ABCC4: variants seen among roughly 807,000 people sequenced by gnomAD.
The protein encoded by ABCC4 is ATP-binding cassette sub-family C member 4.
In ABCC4, 102 loss-of-function variants were observed where a neutral mutation model predicts 168.5. The ratio of observed to expected loss-of-function variants is 0.61; its 90% confidence interval spans 0.52 to 0.71. The LOEUF (loss-of-function observed/expected upper bound fraction) is 0.71, where lower values mean the gene tolerates loss of function less well. ABCC4 is among the 30% of genes least tolerant of loss of function. The probability of loss-of-function intolerance (pLI) is 0.00; values close to 1 mark genes in which losing one functional copy is unlikely to be tolerated. For synonymous variants in ABCC4, 617 were observed against 590.7 expected, an observed-to-expected ratio of 1.04 and a Z score of -0.65; for missense variants, 1,402 against 1,605.8, an observed-to-expected ratio of 0.87 and a Z score of 2.17.
chr13:95,065,441 A>G (rs1373951845), intron 25 of ABCC4, among the ~76,000 whole-genome samples: 4 of 152,212 alleles, frequency 2.6e-5, no homozygotes, highest in Non-Finnish European at 5.9e-5. Flanking sequence ...CTAAAGATAT[A>G]ATCTCATATA....
At chr13:95,032,710 C>T (rs982761311) in intron 30 of ABCC4, among the ~76,000 whole-genome samples, 1 of 151,578 alleles carries the variant, frequency 6.6e-6, no homozygotes, top group African/African-American at 2.4e-5. Context: ...TGTTGCCAGG[C>T]TGGAGTGCAG....
In ABCC4 at chr13:95,247,704, C is replaced by G; in HGVS notation, c.124G>C (p.Asp42His). ...KIGHKRRLEE[D>H]DMYSVLPEDR... ...TCTGGCAGCACTGAATACATATCAT[C>G]TTCCTCTAATCTCCGTTTATGGCCA... The change falls in exon 2 of 31, where the codon GAT (aspartate) becomes CAT (histidine). Residue 42 changes from aspartate to histidine, a missense_variant. Asp to His is a moderately conservative substitution (Grantham distance 81, BLOSUM62 -1). Coordinates refer to ENST00000645237, the MANE Select transcript of ABCC4 (RefSeq NM_005845.5). 6.2e-7 allele frequency: 1 copy of G among 1,614,084 alleles called. No individual in the cohort carries two copies. Among genetic ancestry groups the G allele is most frequent in the Non-Finnish European group, 8.5e-7 (1 of 1,180,010 alleles).
chr13:95,181,991 T>C (rs1277552865), intron 11 of ABCC4, among the ~76,000 whole-genome samples: 2 of 152,140 alleles, frequency 1.3e-5, no homozygotes, highest in East Asian at 3.9e-4. Context: ...GGTCTTGCTA[T>C]GTTGCCTAGG....
chr13:95,035,644 T>C (rs1240028738), intron 29 of ABCC4, among the ~76,000 whole-genome samples: 1 of 152,208 alleles, frequency 6.6e-6, no homozygotes, highest in Non-Finnish European at 1.5e-5. Flanking sequence ...CTCATTAATA[T>C]GTCCACTGGA....
chr13:95,207,984 G>A (rs1161247028), intron 6 of ABCC4, 59 bp from the exon 7 acceptor site: 29 of 1,566,198 alleles, frequency 1.9e-5, no homozygotes, highest in East Asian at 2.3e-5. Context: ...CCTTATCAGC[G>A]GCAGGCACAG....
At chr13:95,037,387 C>T (rs980002260) in intron 29 of ABCC4, among the ~76,000 whole-genome samples, 2 of 152,176 alleles carry the variant, frequency 1.3e-5, no homozygotes, top group African/African-American at 4.8e-5. Context: ...TCCTTCCATC[C>T]ATTCATCCAA....
intron 4 of ABCC4, among the ~76,000 whole-genome samples, chr13:95,212,791 CAGAT>C (rs2038998732): frequency 6.6e-6 from 1 of 152,040 alleles, no homozygotes; most frequent in Admixed American, 6.5e-5. Context: ...AGTCATACTC[CAGAT>C]AGGATAAAAA....
chr13:95,290,177 C>A (rs1175622498), intron 1 of ABCC4, among the ~76,000 whole-genome samples: 2 of 151,668 alleles, frequency 1.3e-5, no homozygotes, highest in East Asian at 3.9e-4. Context: ...GTGGATCCCA[C>A]CCCCAGAAAT....
At chr13:95,047,098 C>T (rs545298495) in intron 27 of ABCC4, among the ~76,000 whole-genome samples, 4 of 152,194 alleles carry the variant, frequency 2.6e-5, no homozygotes, top group African/African-American at 4.8e-5. Context: ...AGCAAAATAC[C>T]GTATTAACAA....
chr13:95,053,212 T>C (rs1297407541), intron 26 of ABCC4, 28 bp from the exon 27 acceptor site: 1 of 1,542,836 alleles, frequency 6.5e-7, no homozygotes, highest in East Asian at 2.2e-5. Flanking sequence ...TCACGGTCAT[T>C]ACCACAGACT....
intron 4 of ABCC4, among the ~76,000 whole-genome samples, chr13:95,217,161 C>G (rs1269608682): frequency 2.0e-5 from 3 of 152,158 alleles, no homozygotes; most frequent in Admixed American, 2.0e-4. Flanking sequence ...ACTGTACTAT[C>G]TAGAACAAAA....
intron 19 of ABCC4, among the ~76,000 whole-genome samples, chr13:95,139,541 T>C (rs2036248450): frequency 6.6e-6 from 1 of 152,166 alleles, no homozygotes; most frequent in Non-Finnish European, 1.5e-5. Context: ...ACACAGCCCA[T>C]GCCCAATGGG....
intron 9 of ABCC4, among the ~76,000 whole-genome samples, chr13:95,189,246 G>T (rs928594481): frequency 1.4e-5 from 2 of 139,984 alleles, no homozygotes; most frequent in Non-Finnish European, 3.0e-5. Context: ...CCATTCTCCT[G>T]CCTCAGCCTC....
intron 30 of ABCC4, among the ~76,000 whole-genome samples, chr13:95,025,231 A>ACC (rs2031384439): frequency 3.7e-5 from 1 of 27,206 alleles, no homozygotes; most frequent in African/African-American, 1.7e-4. Flanking sequence ...CCCCACACAC[A>ACC]CCCATACACA....
At chr13:95,124,284 G>A (rs897529477) in intron 19 of ABCC4, among the ~76,000 whole-genome samples, 1 of 152,126 alleles carries the variant, frequency 6.6e-6, no homozygotes, top group Non-Finnish European at 1.5e-5. Context: ...GCCTGTGTGT[G>A]CACAGACAGA....
At chr13:95,024,574 C>T (rs1197846225) in intron 30 of ABCC4, among the ~76,000 whole-genome samples, 1 of 152,196 alleles carries the variant, frequency 6.6e-6, no homozygotes, top group African/African-American at 2.4e-5. Context: ...ATTGACATTG[C>T]ATTCCTAAGA....
intron 30 of ABCC4, among the ~76,000 whole-genome samples, chr13:95,029,412 T>C (rs1340472929): frequency 2.0e-5 from 3 of 152,136 alleles, no homozygotes; most frequent in South Asian, 2.1e-4. Context: ...AAGCTATATA[T>C]GCACAGATGC....
chr13:95,136,206 T>C (rs2036139626), intron 19 of ABCC4, among the ~76,000 whole-genome samples: 1 of 152,084 alleles, frequency 6.6e-6, no homozygotes, highest in South Asian at 2.1e-4. Flanking sequence ...GGGTTTTCAC[T>C]CCCGTCTCAA....
chr13:95,166,622 C>T (rs1179688447), intron 14 of ABCC4, among the ~76,000 whole-genome samples: 2 of 152,094 alleles, frequency 1.3e-5, no homozygotes, highest in African/African-American at 4.8e-5. Context: ...TATTATCACA[C>T]AGATGTTGGT....
Sources: allele counts gnomAD v4.1 joint callset (sites outside exome capture counted in the v4.1 genomes callset), GRCh38; gene constraint gnomAD v4.1.1; transcripts MANE v1.5; gene names NCBI Gene and HGNC (gene_info 2026-07-23, HGNC 2026-07-21).